CCT6B: variants seen among roughly 807,000 people sequenced by gnomAD.
CCT6B encodes probable T-complex protein 1 subunit zeta-2.
CCT6B carries 49 observed loss-of-function variants against 61.5 expected under a neutral mutation model. That is an observed-to-expected ratio of 0.80 (90% CI 0.63 to 1.01). The LOEUF is 1.01. CCT6B is among the 50% of genes least tolerant of loss of function. The pLI is 0.00. For missense variants in CCT6B, 666 were observed against 634.7 expected (o/e 1.05, Z -0.53); for synonymous variants, 228 against 214.5 (o/e 1.06, Z -0.55).
intron 7 of CCT6B, 99 bp downstream of exon 7, chr17:34,942,385 C>G (rs1314660975): frequency 1.2e-6 from 1 of 868,486 alleles, no homozygotes; most frequent in African/African-American, 1.8e-5. Flanking sequence ...CACAGACTCT[C>G]TGAAAAAGTC....
Position 34,929,028 on chromosome 17 carries a change from G to A in CCT6B, c.1457C>T (p.Pro486Leu). 1 of 1,602,656 alleles carries A rather than the reference G, an allele frequency of 6.2e-7. No individual in the cohort carries two copies. Among genetic ancestry groups the A allele is most frequent in the Non-Finnish European group, 8.5e-7 (1 of 1,171,758 alleles). ...LVGVDLNTGE[P>L]MVAADAGVWD... ...AACTCCTGCATCTGCTGCTACCATT[G>A]GCTCACCTGAAAAGTAAAAACAATT... The change falls in exon 13 of 14, where the codon CCA becomes CTA. Residue 486 changes from proline (P) to leucine (L), a missense_variant. Physicochemically the swap from Pro to Leu is moderately conservative, Grantham distance 98 (BLOSUM62 -3). Coordinates refer to ENST00000314144, the MANE Select transcript of CCT6B (RefSeq NM_006584.4).
At chr17:34,928,431 C>G (rs971938612) in intron 13 of CCT6B, among the ~76,000 whole-genome samples, 1 of 152,008 alleles carries the variant, frequency 6.6e-6, no homozygotes, top group African/African-American at 2.4e-5. Flanking sequence ...CACCAACACG[C>G]CTGGCTAATT....
intron 10 of CCT6B, 77 bp from the exon 11 acceptor site, chr17:34,932,577 A>G (rs910970298): frequency 8.3e-6 from 11 of 1,326,512 alleles, no homozygotes; most frequent in Non-Finnish European, 1.1e-5. Context: ...AAAGCAATTC[A>G]CTATTTAAGT....
At chr17:34,938,861 T>G (rs775089855) in intron 10 of CCT6B, among the ~76,000 whole-genome samples, 1 of 152,012 alleles carries the variant, frequency 6.6e-6, no homozygotes, top group African/African-American at 2.4e-5. Flanking sequence ...CAAGGGCAGA[T>G]CGCTTGAGCC....
chr17:34,942,749 C>A, intron 6 of CCT6B, 47 bp downstream of exon 6: 1 of 1,509,724 alleles, frequency 6.6e-7, no homozygotes. Context: ...TTTAAAACAC[C>A]TTTAGAAAAA....
intron 8 of CCT6B, 47 bp from the exon 9 acceptor site, chr17:34,939,760 A>G: frequency 8.9e-7 from 1 of 1,126,720 alleles, no homozygotes; most frequent in Non-Finnish European, 1.4e-6. Context: ...GAGAACATTA[A>G]TACTAATTTC....
At chr17:34,947,998 GAAGT>G (rs1438948001) in intron 5 of CCT6B, among the ~76,000 whole-genome samples, 1 of 150,348 alleles carries the variant, frequency 6.7e-6, no homozygotes, top group Non-Finnish European at 1.5e-5. Flanking sequence ...AAAAGAAAAA[GAAGT>G]AAGGCTAAGT....
At chr17:34,942,747 A>C in intron 6 of CCT6B, 49 bp downstream of exon 6, 2 of 1,497,438 alleles carry the variant, frequency 1.3e-6, no homozygotes, top group Non-Finnish European at 1.8e-6. Flanking sequence ...ATTTTAAAAC[A>C]CCTTTAGAAA....
intron 12 of CCT6B, among the ~76,000 whole-genome samples, 173 bp from the exon 13 acceptor site, chr17:34,929,207 AAC>A (rs2090006427): frequency 6.6e-6 from 1 of 152,214 alleles, no homozygotes; most frequent in Non-Finnish European, 1.5e-5. Context: ...ACCAGTATTT[AAC>A]ACAGTTGATC....
At chr17:34,959,189 A>G (rs1389731768) in intron 2 of CCT6B, among the ~76,000 whole-genome samples, 6 of 149,892 alleles carry the variant, frequency 4.0e-5, no homozygotes, top group Non-Finnish European at 7.4e-5. Context: ...CAATGGCACA[A>G]TCTCATTCAC....
intron 10 of CCT6B, among the ~76,000 whole-genome samples, chr17:34,938,925 A>G (rs1204659613): frequency 6.6e-6 from 1 of 152,064 alleles, no homozygotes; most frequent in Non-Finnish European, 1.5e-5. Context: ...TCTACTAAAA[A>G]TACAAAAAAT....
At position 34,961,166 on chromosome 17, in the gene CCT6B, TC is replaced by T. The variant is rs903351286; in HGVS notation, c.137+90del. 60 of 1,438,568 alleles carry T rather than the reference TC, an allele frequency of 4.2e-5. 1 individual carries two copies. The Admixed American group carries it at 6.2e-4, about 15-fold the overall frequency. 89.1% of individuals were successfully genotyped at this position (1,438,568 alleles called of 1,614,324 possible). A position where few individuals can be genotyped will look rare whatever the true frequency, so the allele number is the denominator to read the frequency against. ...GAGGGAAATCAAGCTCGCAAGAACA[TC>T]CACAGCGCTACGCGGACGCCTGCCT... On this transcript the variant is annotated intron_variant, in intron 1 of 13. Coordinates refer to ENST00000314144, the MANE Select transcript of CCT6B (RefSeq NM_006584.4).
At chr17:34,957,234 TC>T (rs1415094018) in intron 3 of CCT6B, among the ~76,000 whole-genome samples, 1 of 146,522 alleles carries the variant, frequency 6.8e-6, no homozygotes, top group Non-Finnish European at 1.5e-5. Flanking sequence ...AATCTCCACC[TC>T]CTGGGTTCAA....
At position 34,960,808 on chromosome 17, in the gene CCT6B, C is replaced by T. The variant is rs2090405083; in HGVS notation, c.137+449G>A. On this transcript the variant is annotated intron_variant, in intron 1 of 13. Coordinates refer to ENST00000314144, the MANE Select transcript of CCT6B (RefSeq NM_006584.4). Reference sequence around the variant, plus strand: ...ATGAATAGATCTGAACAACCATAGACACGGGGTATTCAAGTAGAACTTGGA... The same window carrying T: ...ATGAATAGATCTGAACAACCATAGATACGGGGTATTCAAGTAGAACTTGGA... Among the ~76,000 whole-genome samples the T allele has an allele frequency of 2.0e-5, 3 of 152,200 alleles. No homozygotes were observed. The South Asian group carries it at 6.2e-4, about 31-fold the overall frequency.
intron 5 of CCT6B, among the ~76,000 whole-genome samples, chr17:34,947,692 A>G (rs1231849083): frequency 1.3e-5 from 2 of 152,182 alleles, no homozygotes; most frequent in Non-Finnish European, 2.9e-5. Flanking sequence ...GCAAAAAGCT[A>G]CACAGATGGC....
chr17:34,931,190 T>C (rs543177707), intron 11 of CCT6B, 139 bp from the exon 12 acceptor site: 10 of 260,512 alleles, frequency 3.8e-5, no homozygotes, highest in African/African-American at 2.3e-4. Flanking sequence ...AATTCCACTT[T>C]TAATCTAAAT....
chr17:34,947,811 G>A (rs373942387), intron 5 of CCT6B, among the ~76,000 whole-genome samples: 12 of 151,700 alleles, frequency 7.9e-5, no homozygotes, highest in Non-Finnish European at 1.6e-4. Context: ...GTGAAACCAC[G>A]TCTCTACTAA....
intron 5 of CCT6B, among the ~76,000 whole-genome samples, chr17:34,948,187 C>A (rs1215303842): frequency 6.6e-6 from 1 of 152,040 alleles, no homozygotes; most frequent in Non-Finnish European, 1.5e-5. Context: ...AGTCTTTTAT[C>A]CCTCATCCTT....
Position 34,937,402 on chromosome 17 carries a change from C to T in CCT6B, c.1213+1781G>A, listed in dbSNP as rs149002054. 3.2e-3 allele frequency among the ~76,000 whole-genome samples: 489 copies of T among 152,034 alleles called. 4 individuals carry two copies. Among genetic ancestry groups the T allele is most frequent in the Non-Finnish European group, 2.2e-3 (150 of 67,950 alleles). On this transcript the variant is annotated intron_variant, in intron 10 of 13. Transcript: ENST00000314144. ...CATCAGTAGGACAGAAAAAAGAGCACAGAAATAGAACCACACAAATATGAA... is the reference window on the plus strand; with the variant it reads ...CATCAGTAGGACAGAAAAAAGAGCATAGAAATAGAACCACACAAATATGAA...
Sources: gnomAD v4.1 joint callset for allele counts (sites outside exome capture counted in the v4.1 genomes callset) on GRCh38, gnomAD v4.1.1 for gene constraint, MANE v1.5 for transcripts, NCBI Gene and HGNC (gene_info 2026-07-23, HGNC 2026-07-21) for gene names.